Variants in MED13L observed in about 807,000 individuals in gnomAD.
The protein encoded by MED13L is mediator complex subunit 13L.
In MED13L, 7 loss-of-function variants were observed where a neutral mutation model predicts 220.9. That is an observed-to-expected ratio of 0.03 (90% CI 0.02 to 0.06). MED13L has a LOEUF of 0.06. MED13L is among the 10% of genes least tolerant of loss of function. The probability of loss-of-function intolerance (pLI) is 1.00; values close to 1 mark genes in which losing one functional copy is unlikely to be tolerated. For missense variants in MED13L, 1,965 were observed against 2,760.5 expected (o/e 0.71, Z 6.46); for synonymous variants, 1,011 against 1,015.2 (o/e 1.00, Z 0.08).
intron 1 of MED13L, among the ~76,000 whole-genome samples, chr12:116,245,974 C>T (rs1871063624): frequency 6.6e-6 from 1 of 152,114 alleles, no homozygotes; most frequent in Non-Finnish European, 1.5e-5. Flanking sequence ...TCACTGTAAA[C>T]TTTCAGCACA....
chr12:115,978,774 A>G (rs1185623509), intron 23 of MED13L, among the ~76,000 whole-genome samples: 1 of 152,236 alleles, frequency 6.6e-6, no homozygotes, highest in Admixed American at 6.5e-5. Flanking sequence ...GATATAATAG[A>G]TAGCATCTGA....
intron 2 of MED13L, among the ~76,000 whole-genome samples, chr12:116,212,147 T>C (rs1387421379): frequency 6.9e-6 from 1 of 145,388 alleles, no homozygotes; most frequent in Non-Finnish European, 1.5e-5. Flanking sequence ...GTTTTTTTCC[T>C]CATCCATGTT....
chr12:116,222,394 G>A (rs2138397515), intron 2 of MED13L, among the ~76,000 whole-genome samples: 1 of 152,286 alleles, frequency 6.6e-6, no homozygotes, highest in Middle Eastern at 3.4e-3. Context: ...GATAACAGAA[G>A]AATGATAGAT....
intron 4 of MED13L, among the ~76,000 whole-genome samples, chr12:116,024,009 T>C (rs149389726): frequency 1.3e-4 from 20 of 152,298 alleles, no homozygotes; most frequent in Middle Eastern, 3.4e-3. Flanking sequence ...TGATTGTGGA[T>C]TGGCTTATTT....
chr12:116,055,542 G>A lies in MED13L; in HGVS notation c.480-32941C>T, dbSNP rs570138988. 3.9e-5 allele frequency among the ~76,000 whole-genome samples: 6 copies of A among 152,238 alleles called. No homozygotes were observed. The South Asian group carries it at 1.0e-3, about 26-fold the overall frequency. Reference sequence around the variant, plus strand: ...AGATTTTAACAATGGTTTCACAACCGGCCTTTCCAAGAAGAGTTACAGAAC... The same window carrying A: ...AGATTTTAACAATGGTTTCACAACCAGCCTTTCCAAGAAGAGTTACAGAAC... On this transcript the variant is annotated intron_variant, in intron 4 of 30. Transcript: ENST00000281928.
chr12:115,973,984 T>C (rs574989870), intron 25 of MED13L, among the ~76,000 whole-genome samples: 1 of 152,258 alleles, frequency 6.6e-6, no homozygotes, highest in Admixed American at 6.5e-5. Context: ...GTGCAAGTTA[T>C]ATCTGTACCA....
chr12:116,045,596 G>A (rs1021287580), intron 4 of MED13L, among the ~76,000 whole-genome samples: 4 of 152,030 alleles, frequency 2.6e-5, no homozygotes, highest in African/African-American at 9.7e-5. Flanking sequence ...CAGCGTATCT[G>A]GTAATAGTAT....
chr12:115,974,363 C>T (rs1240563661), intron 25 of MED13L, among the ~76,000 whole-genome samples: 2 of 152,212 alleles, frequency 1.3e-5, no homozygotes, highest in Non-Finnish European at 2.9e-5. Flanking sequence ...AGGGAAAAAA[C>T]TTCTCCCATC....
chr12:115,966,370 A>C, intron 28 of MED13L, 127 bp from the exon 29 acceptor site: 4 of 1,067,552 alleles, frequency 3.7e-6, no homozygotes, highest in Non-Finnish European at 5.6e-6. Flanking sequence ...ACAGAAAACA[A>C]CAGGTGACTG....
chr12:116,139,023 C>G (rs1876826790), intron 2 of MED13L, among the ~76,000 whole-genome samples: 1 of 152,146 alleles, frequency 6.6e-6, no homozygotes, highest in Non-Finnish European at 1.5e-5. Context: ...CCTGGAATTT[C>G]TGAATCCACA....
At chr12:116,180,714 T>C (rs896584296) in intron 2 of MED13L, among the ~76,000 whole-genome samples, 71 of 152,292 alleles carry the variant, frequency 4.7e-4, no homozygotes, top group African/African-American at 1.5e-3. Context: ...TTCTAACTGC[T>C]CACTACTGCA....
At chr12:116,049,752 C>A (rs776349991) in intron 4 of MED13L, among the ~76,000 whole-genome samples, 27 of 152,106 alleles carry the variant, frequency 1.8e-4, no homozygotes, top group Non-Finnish European at 3.1e-4. Context: ...GAACACTTAG[C>A]CTCATATACC....
At chr12:115,970,332 ACG>A (rs1876494441) in intron 27 of MED13L, among the ~76,000 whole-genome samples, 1 of 152,246 alleles carries the variant, frequency 6.6e-6, no homozygotes. Context: ...GAACAGTGCC[ACG>A]CAGGTATTAT....
intron 2 of MED13L, among the ~76,000 whole-genome samples, chr12:116,114,248 G>A (rs1365952596): frequency 6.6e-6 from 1 of 152,152 alleles, no homozygotes; most frequent in Admixed American, 6.5e-5. Flanking sequence ...GTCAGAGGAT[G>A]TCAAAGGAAA....
intron 11 of MED13L, chr12:116,006,690 GC>G (rs1487646375): frequency 4.0e-6 from 2 of 499,562 alleles, no homozygotes; most frequent in Non-Finnish European, 7.2e-6. Context: ...TTACAGACCT[GC>G]CATGGTGTTA....
At chr12:116,007,791 T>C (rs116902357) in intron 10 of MED13L, 155 bp from the exon 11 acceptor site, 4 of 678,620 alleles carry the variant, frequency 5.9e-6, no homozygotes, top group East Asian at 5.4e-5. Flanking sequence ...GCATACTTTG[T>C]CAAGAATATA....
At chr12:116,262,816 T>G (rs982117475) in intron 1 of MED13L, among the ~76,000 whole-genome samples, 2 of 152,224 alleles carry the variant, frequency 1.3e-5, no homozygotes, top group Non-Finnish European at 2.9e-5. Context: ...ACCATCTGTC[T>G]GGGTTGCAAA....
At chr12:116,130,719 A>G (rs1875994380) in intron 2 of MED13L, among the ~76,000 whole-genome samples, 1 of 152,232 alleles carries the variant, frequency 6.6e-6, no homozygotes, top group Non-Finnish European at 1.5e-5. Context: ...TGACTACAGA[A>G]GTTCTACAAC....
intron 29 of MED13L, among the ~76,000 whole-genome samples, chr12:115,964,198 AAACAT>A (rs1875976148): frequency 6.6e-6 from 1 of 152,262 alleles, no homozygotes; most frequent in African/African-American, 2.4e-5. Context: ...AAGGACCTTT[AAACAT>A]AACAGTAATT....
Sources: allele counts gnomAD v4.1 joint callset (sites outside exome capture counted in the v4.1 genomes callset), GRCh38; gene constraint gnomAD v4.1.1; transcripts MANE v1.5; gene names NCBI Gene and HGNC (gene_info 2026-07-23, HGNC 2026-07-21).